RIC1: variants seen among roughly 807,000 people sequenced by gnomAD.
The protein encoded by RIC1 is guanine nucleotide exchange factor subunit RIC1.
Under a neutral mutation model 169.0 loss-of-function variants are expected in RIC1, and 88 were observed. The observed-to-expected ratio is 0.52, with a 90% CI of 0.44 to 0.62. RIC1 has a LOEUF of 0.62. Among genes scored for constraint, RIC1 ranks in the 20% least tolerant of loss-of-function variants. The pLI, the probability that RIC1 is intolerant of heterozygous loss-of-function variation, is 0.00. For missense variants in RIC1, 1,877 were observed against 1,725.5 expected, an observed-to-expected ratio of 1.09 and a Z score of -1.56; for synonymous variants, 790 against 601.5, an observed-to-expected ratio of 1.31 and a Z score of -4.59.
chr9:5,671,610 A>G (rs1820112602), intron 2 of RIC1, among the ~76,000 whole-genome samples: 1 of 152,252 alleles, frequency 6.6e-6, no homozygotes, highest in Non-Finnish European at 1.5e-5. Context: ...AGAAATGAAA[A>G]TAAAAAAGAA....
intron 6 of RIC1, among the ~76,000 whole-genome samples, chr9:5,730,741 A>G (rs1824323088): frequency 6.6e-6 from 1 of 152,148 alleles, no homozygotes. Context: ...TTTCATTTTC[A>G]TGTATTCTTT....
intron 3 of RIC1, among the ~76,000 whole-genome samples, chr9:5,693,959 A>G (rs966779778): frequency 1.3e-5 from 2 of 151,904 alleles, no homozygotes; most frequent in Admixed American, 6.6e-5. Flanking sequence ...TAATTATTAT[A>G]TAGTAAAGAT....
intron 3 of RIC1, among the ~76,000 whole-genome samples, chr9:5,702,718 G>A (rs1046318602): frequency 3.3e-5 from 5 of 151,874 alleles, no homozygotes; most frequent in African/African-American, 1.2e-4. Context: ...TTTTTTGTGT[G>A]TGTATTTTAG....
In RIC1 at chr9:5,775,116, T is replaced by C. The variant is rs988120484; in HGVS notation, c.*870T>C. On this transcript the variant is annotated 3_prime_UTR_variant, in exon 26 of 26. Transcript: ENST00000414202. ...TGCAAAACTGAGGAAGACAGGTTTATTGGCTTGGTCATGAAGTAACAGAAA... is the reference window on the plus strand; with the variant it reads ...TGCAAAACTGAGGAAGACAGGTTTACTGGCTTGGTCATGAAGTAACAGAAA... The C allele has an allele frequency of 2.0e-5, 3 of 152,194 alleles. No individual in the cohort carries two copies. Among genetic ancestry groups the C allele is most frequent in the African/African-American group, 7.2e-5 (3 of 41,456 alleles). 9.4% of individuals were successfully genotyped at this position (152,194 alleles called of 1,614,324 possible). A position where few individuals can be genotyped will look rare whatever the true frequency, so the allele number is the denominator to read the frequency against.
At chr9:5,706,508 C>T (rs562980580) in intron 3 of RIC1, among the ~76,000 whole-genome samples, 1 of 151,922 alleles carries the variant, frequency 6.6e-6, no homozygotes, top group South Asian at 2.1e-4. Context: ...TTTTTAATAA[C>T]ATCTTGAGAA....
At chr9:5,728,621 C>G (rs538431648) in intron 6 of RIC1, among the ~76,000 whole-genome samples, 94 of 152,348 alleles carry the variant, frequency 6.2e-4, no homozygotes, top group Admixed American at 1.2e-3. Context: ...CTGCATCACT[C>G]ATGCTGGGAG....
At chr9:5,677,784 C>G (rs1443595044) in intron 2 of RIC1, among the ~76,000 whole-genome samples, 1 of 151,858 alleles carries the variant, frequency 6.6e-6, no homozygotes, top group Admixed American at 6.6e-5. Flanking sequence ...TAAATTAAAA[C>G]TACATTGTTT....
At chr9:5,776,772 A>G (rs1296707785), downstream of RIC1, among the ~76,000 whole-genome samples, 1 of 152,090 alleles carries the variant, frequency 6.6e-6, no homozygotes, top group Non-Finnish European at 1.5e-5. Flanking sequence ...TGTCGATGAC[A>G]TGGAAAATGT....
chr9:5,693,353 C>T (rs1440529532), intron 3 of RIC1, among the ~76,000 whole-genome samples: 2 of 152,134 alleles, frequency 1.3e-5, no homozygotes, highest in Non-Finnish European at 2.9e-5. Flanking sequence ...TCTGAGAACA[C>T]AGTTCAGATG....
At position 5,645,807 on chromosome 9, in the gene RIC1, G is replaced by A. The variant is rs117628547; in HGVS notation, c.145-10776G>A. Among the ~76,000 whole-genome samples, 279 of 152,256 alleles carry A rather than the reference G, an allele frequency of 1.8e-3. 1 individual carries two copies. In the East Asian group the frequency reaches 0.021, roughly 12 times the overall value. On this transcript the variant is annotated intron_variant, in intron 1 of 25. Transcript: ENST00000414202. The stretch of plus-strand genomic sequence containing the variant: ...TGTTTTATTCATTCATCTGTTGATG[G>A]ACACATGGGCTGCTTTTACCTCTTG...
chr9:5,753,337 A>T, intron 13 of RIC1, 99 bp downstream of exon 13: 1 of 1,104,658 alleles, frequency 9.1e-7, no homozygotes, highest in Non-Finnish European at 1.4e-6. Flanking sequence ...GAGAAAAATA[A>T]AACTCTTGAT....
chr9:5,688,595 C>G (rs1821396803), intron 2 of RIC1, among the ~76,000 whole-genome samples: 1 of 152,082 alleles, frequency 6.6e-6, no homozygotes, highest in Non-Finnish European at 1.5e-5. Context: ...GAAGAATTTT[C>G]ACCCTTTTGT....
At chr9:5,660,465 A>G (rs960498953) in intron 2 of RIC1, among the ~76,000 whole-genome samples, 1 of 152,176 alleles carries the variant, frequency 6.6e-6, no homozygotes, top group Non-Finnish European at 1.5e-5. Context: ...TTCCACTCCT[A>G]CCAACAGTGT....
intron 2 of RIC1, among the ~76,000 whole-genome samples, chr9:5,676,978 A>G (rs941653731): frequency 6.6e-5 from 10 of 152,258 alleles, no homozygotes; most frequent in African/African-American, 2.2e-4. Context: ...AAACAAAACT[A>G]CATGAACATT....
chr9:5,652,518 G>A (rs1002613260), intron 1 of RIC1, among the ~76,000 whole-genome samples: 1 of 151,922 alleles, frequency 6.6e-6, no homozygotes, highest in Admixed American at 6.6e-5. Context: ...CACTATTAGT[G>A]TATAGAGGCA....
In RIC1 at chr9:5,773,949, T is replaced by C; in HGVS notation, c.3984-9T>C. 6.4e-7 allele frequency: 1 copy of C among 1,552,528 alleles called. No individual in the cohort carries two copies. The highest frequency in any genetic ancestry group is 8.7e-7 in the Non-Finnish European group (1 of 1,152,026). ...GGCAGATGAGCTAATGTTTTTTTTC[T>C]CTACATAGTCCTGGATATAAGCCAT... On this transcript the variant is annotated splice_polypyrimidine_tract_variant and intron_variant, in intron 25 of 25. Coordinates refer to ENST00000414202, the MANE Select transcript of RIC1 (RefSeq NM_020829.4).
chr9:5,754,949 A>G lies in RIC1; in HGVS notation c.1692+19A>G. 5 of 1,429,058 alleles carry G rather than the reference A, an allele frequency of 3.5e-6. No homozygotes were observed. The highest frequency in any genetic ancestry group is 4.8e-6 in the Non-Finnish European group (5 of 1,045,724). 88.5% of individuals were successfully genotyped at this position (1,429,058 alleles called of 1,614,324 possible). On this transcript the variant is annotated intron_variant, in intron 15 of 25. Coordinates refer to ENST00000414202, the MANE Select transcript of RIC1 (RefSeq NM_020829.4). ...AGAAGAGGTAAGTTTTTTCTCTCAG[A>G]AATAACAGATTTTTATATTTTAAAG...
chr9:5,728,069 G>C (rs1318340072), intron 6 of RIC1, among the ~76,000 whole-genome samples: 2 of 152,232 alleles, frequency 1.3e-5, no homozygotes, highest in Non-Finnish European at 2.9e-5. Flanking sequence ...TCTCTTCAAA[G>C]CTGTTAGACA....
chr9:5,671,022 G>C (rs1318373522), intron 2 of RIC1, among the ~76,000 whole-genome samples: 2 of 152,158 alleles, frequency 1.3e-5, no homozygotes, highest in Non-Finnish European at 2.9e-5. Flanking sequence ...GAAGGTATCT[G>C]AAAAGGCCAA....
Sources: allele counts gnomAD v4.1 joint callset (sites outside exome capture counted in the v4.1 genomes callset), GRCh38; gene constraint gnomAD v4.1.1; transcripts MANE v1.5; gene names NCBI Gene and HGNC (gene_info 2026-07-23, HGNC 2026-07-21).